METTL15: variants seen among roughly 807,000 people sequenced by gnomAD.
The protein encoded by METTL15 is 12S rRNA N(4)-cytidine methyltransferase METTL15.
METTL15 carries 34 observed loss-of-function variants against 38.3 expected under a neutral mutation model. The observed-to-expected ratio is 0.89, with a 90% CI of 0.68 to 1.18. The LOEUF is 1.18. METTL15 is among the 50% of genes most tolerant of loss of function. The pLI, the probability that METTL15 is intolerant of heterozygous loss-of-function variation, is 0.00. For synonymous variants in METTL15, 162 were observed against 170.9 expected (o/e 0.95, Z 0.41); for missense variants, 438 against 498.4 (o/e 0.88, Z 1.15).
chr11:28,111,659 C>G (rs1000780766), intron 2 of METTL15, among the ~76,000 whole-genome samples: 1 of 152,274 alleles, frequency 6.6e-6, no homozygotes, highest in Non-Finnish European at 1.5e-5. Flanking sequence ...TTACGGCTCT[C>G]TAGCTATGTG....
chr11:28,389,370 G>A (rs1228958131), intron 5 of METTL15, among the ~76,000 whole-genome samples: 7 of 139,474 alleles, frequency 5.0e-5, no homozygotes, highest in African/African-American at 1.3e-4. Flanking sequence ...TCCTAATGCT[G>A]TCCCTCCCCC....
intron 6 of METTL15, among the ~76,000 whole-genome samples, chr11:28,441,059 CT>C (rs35401554): frequency 0.53 from 75,253 of 141,702 alleles, 20,160 homozygotes; most frequent in East Asian, 0.73. Flanking sequence ...TATGACACTA[CT>C]TTTTTTTTTT....
At chr11:28,113,625 T>A (rs775238467) in intron 3 of METTL15, 21 bp downstream of exon 3, 1 of 1,596,786 alleles carries the variant, frequency 6.3e-7, no homozygotes, top group Non-Finnish European at 8.5e-7. Flanking sequence ...TTTTTATTTT[T>A]TAGCAAGTTT....
intron 4 of METTL15, among the ~76,000 whole-genome samples, chr11:28,230,434 T>A (rs1447244017): frequency 6.6e-6 from 1 of 151,972 alleles, no homozygotes; most frequent in Non-Finnish European, 1.5e-5. Flanking sequence ...ATAATCCATT[T>A]TTATTGCCTA....
At chr11:28,147,502 A>G (rs528448649) in intron 3 of METTL15, among the ~76,000 whole-genome samples, 1 of 151,846 alleles carries the variant, frequency 6.6e-6, no homozygotes, top group Non-Finnish European at 1.5e-5. Flanking sequence ...TCTTTATAGT[A>G]TGTAAAATTA....
At chr11:28,192,472 G>A (rs1241924439) in intron 3 of METTL15, among the ~76,000 whole-genome samples, 1 of 150,968 alleles carries the variant, frequency 6.6e-6, no homozygotes, top group Non-Finnish European at 1.5e-5. Context: ...GTTCTGTGAA[G>A]GTTATTGATC....
chr11:28,217,073 A>G (rs1410402938), intron 4 of METTL15, among the ~76,000 whole-genome samples: 2 of 152,082 alleles, frequency 1.3e-5, no homozygotes, highest in East Asian at 1.9e-4. Flanking sequence ...TAGGGTATAT[A>G]CCCAGTAATG....
chr11:28,373,987 G>A (rs12294815), intron 5 of METTL15, among the ~76,000 whole-genome samples: 2,204 of 152,022 alleles, frequency 0.014, 30 homozygotes, highest in African/African-American at 0.04. Context: ...GTTATGCGGC[G>A]TTATTTCTGA....
chr11:28,392,825 A>G (rs766008525), intron 5 of METTL15, among the ~76,000 whole-genome samples: 20 of 152,098 alleles, frequency 1.3e-4, no homozygotes, highest in Non-Finnish European at 1.9e-4. Context: ...CAAATAACCA[A>G]TTAAAAACTG....
chr11:28,405,224 T>C (rs1017138140), intron 5 of METTL15, among the ~76,000 whole-genome samples: 7 of 152,148 alleles, frequency 4.6e-5, no homozygotes, highest in African/African-American at 1.7e-4. Context: ...CATGTCATGA[T>C]GAGATTAAGT....
chr11:28,424,506 A>G (rs1850848202), intron 6 of METTL15: 2 of 152,230 alleles, frequency 1.3e-5, no homozygotes, highest in South Asian at 2.1e-4. Context: ...CAATGCAACA[A>G]TTAGAGTTGT....
chr11:28,362,136 T>C (rs1850144792), intron 5 of METTL15: 1 of 152,178 alleles, frequency 6.6e-6, no homozygotes, highest in Non-Finnish European at 1.5e-5. Context: ...ATATAGTTTC[T>C]TTCCTTATGA....
At chr11:28,532,029 G>T (rs745990183), downstream of METTL15, among the ~76,000 whole-genome samples, 11 of 152,064 alleles carry the variant, frequency 7.2e-5, no homozygotes, top group South Asian at 6.2e-4. Context: ...TTAGAAAAAC[G>T]TTAATTTTTC....
intron 6 of METTL15, among the ~76,000 whole-genome samples, chr11:28,324,979 C>A (rs993353088): frequency 1.3e-5 from 2 of 152,192 alleles, no homozygotes; most frequent in African/African-American, 4.8e-5. Flanking sequence ...GCCCCCATGC[C>A]TGCAGCTGCA....
chr11:28,301,090 C>A (rs1451161250), intron 6 of METTL15, among the ~76,000 whole-genome samples: 1 of 152,150 alleles, frequency 6.6e-6, no homozygotes, highest in Non-Finnish European at 1.5e-5. Flanking sequence ...AACTCCTTTA[C>A]ATGGTTTGCA....
chr11:28,298,545 G>A (rs1856814949), intron 6 of METTL15, among the ~76,000 whole-genome samples: 1 of 152,042 alleles, frequency 6.6e-6, no homozygotes, highest in Non-Finnish European at 1.5e-5. Context: ...TTCTGTCTGT[G>A]CATCCTACTT....
At chr11:28,227,691 CA>C (rs1342808612) in intron 4 of METTL15, among the ~76,000 whole-genome samples, 1 of 151,728 alleles carries the variant, frequency 6.6e-6, no homozygotes, top group Non-Finnish European at 1.5e-5. Flanking sequence ...GGGAAAGCAC[CA>C]AAGTTTTTGA....
intron 6 of METTL15, among the ~76,000 whole-genome samples, chr11:28,450,565 T>C (rs983508153): frequency 2.6e-5 from 4 of 152,162 alleles, no homozygotes; most frequent in African/African-American, 9.7e-5. Flanking sequence ...AAGAGCTGAG[T>C]TAAAGCATGT....
chr11:28,306,515 A>G (rs1212391660), intron 6 of METTL15, among the ~76,000 whole-genome samples: 2 of 152,010 alleles, frequency 1.3e-5, no homozygotes. Flanking sequence ...TTTGATATTT[A>G]CATGGATTCA....
Sources: allele counts gnomAD v4.1 joint callset (sites outside exome capture counted in the v4.1 genomes callset), GRCh38; gene constraint gnomAD v4.1.1; transcripts MANE v1.5; gene names NCBI Gene and HGNC (gene_info 2026-07-23, HGNC 2026-07-21).